ISM1: variants seen among roughly 807,000 people sequenced by gnomAD.
ISM1 encodes the protein isthmin 1.
A neutral mutation model predicts 46.3 loss-of-function variants in ISM1; 25 were observed. The observed-to-expected ratio is 0.54, with a 90% CI of 0.39 to 0.75. The LOEUF is 0.75. Ranked by LOEUF, ISM1 falls within the 30% of genes least tolerant of loss-of-function variation. The pLI is 0.00. For synonymous variants in ISM1, 255 were observed against 256.7 expected, an observed-to-expected ratio of 0.99 and a Z score of 0.06; for missense variants, 536 against 625.4, an observed-to-expected ratio of 0.86 and a Z score of 1.52.
intron 5 of ISM1, among the ~76,000 whole-genome samples, chr20:13,298,507 C>A (rs2040428301): frequency 6.6e-6 from 1 of 152,098 alleles, no homozygotes; most frequent in African/African-American, 2.4e-5. Context: ...AGGAAAATAT[C>A]CTCTTTTTTG....
chr20:13,326,690 A>T, the ISM1 span, among the ~76,000 whole-genome samples: 10 of 152,100 alleles, frequency 6.6e-5, no homozygotes, highest in African/African-American at 2.4e-4. Flanking sequence ...TCTTTTGTTC[A>T]TTTTTTAAAT....
At chr20:13,252,616 G>A (rs147658442) in intron 1 of ISM1, among the ~76,000 whole-genome samples, 338 of 152,222 alleles carry the variant, frequency 2.2e-3, no homozygotes, top group African/African-American at 7.8e-3. Context: ...TTAGCTGGGT[G>A]TGGTGGCGTG....
rs994277114 is a variant in ISM1 at position 13,221,893 on chromosome 20, C to A, written c.117C>A (p.Asn39Lys). The A allele has an allele frequency of 2.0e-5, 28 of 1,387,824 alleles. No individual in the cohort carries two copies. The highest frequency in any genetic ancestry group is 1.8e-4 in the African/African-American group (12 of 66,256). The allele number at this position is 1,387,824 out of a possible 1,614,324, so 86.0% of individuals were successfully genotyped here. ...AADGPDAAAG[N>K]ASQAQLQNNL... ...ACGGGCCCGACGCGGCCGCGGGCAA[C>A]GCCAGCCAAGCCCAGCTGCAGGTGA... The change falls in exon 1 of 6, where the codon AAC (asparagine) becomes AAA (lysine). Residue 39 changes from asparagine to lysine, a missense_variant. By Grantham distance (94) the Asn-to-Lys change is moderately conservative. Coordinates refer to ENST00000262487, the MANE Select transcript of ISM1 (RefSeq NM_080826.2).
At chr20:13,242,895 C>T (rs1053421637) in intron 1 of ISM1, among the ~76,000 whole-genome samples, 1 of 152,146 alleles carries the variant, frequency 6.6e-6, no homozygotes, top group Admixed American at 6.6e-5. Context: ...TAAATAGTCC[C>T]TACTGTGGGC....
chr20:13,296,112 A>G (rs2040404431), intron 5 of ISM1, among the ~76,000 whole-genome samples: 1 of 152,064 alleles, frequency 6.6e-6, no homozygotes. Context: ...TTCCTTAGAT[A>G]TGCCTCATCT....
chr20:13,280,026 A>AG, intron 3 of ISM1, 128 bp downstream of exon 3: 1 of 872,770 alleles, frequency 1.1e-6, no homozygotes, highest in Non-Finnish European at 1.7e-6. Flanking sequence ...CAAACCTCAC[A>AG]AAGGCTGTCT....
At chr20:13,273,215 T>TTTTATTTTATTTTATTTTATTTTA (rs1555813221) in intron 2 of ISM1, among the ~76,000 whole-genome samples, 3 of 130,628 alleles carry the variant, frequency 2.3e-5, no homozygotes, top group African/African-American at 6.3e-5. Context: ...ACTTGGGTCT[T>TTTTATTTTATTTTATTTTATTTTA]TTTTATTTTA....
intron 5 of ISM1, among the ~76,000 whole-genome samples, chr20:13,297,193 A>T (rs2040415231): frequency 6.6e-6 from 1 of 152,156 alleles, no homozygotes; most frequent in Non-Finnish European, 1.5e-5. Context: ...GTTCTTTGCA[A>T]TAAGCTGTTT....
chr20:13,292,933 A>G lies in ISM1; in HGVS notation c.877+470A>G, dbSNP rs541225420. Among the ~76,000 whole-genome samples the G allele has an allele frequency of 2.6e-5, 4 of 152,270 alleles. No individual in the cohort carries two copies. The East Asian group carries it at 7.7e-4, about 29-fold the overall frequency. On this transcript the variant is annotated intron_variant, in intron 5 of 5. Transcript: ENST00000262487. ...TACACCGGGCCAGGCGCGGTGGGTCATGCCTATAATCCTAGCACTTTGGGA... is the reference window on the plus strand; with the variant it reads ...TACACCGGGCCAGGCGCGGTGGGTCGTGCCTATAATCCTAGCACTTTGGGA...
intron 3 of ISM1, among the ~76,000 whole-genome samples, chr20:13,287,609 A>G (rs1404824431): frequency 6.6e-6 from 1 of 152,060 alleles, no homozygotes; most frequent in Non-Finnish European, 1.5e-5. Flanking sequence ...TTTATTGATG[A>G]TTGTTTCTCT....
At chr20:13,241,694 T>C (rs1001785835) in intron 1 of ISM1, among the ~76,000 whole-genome samples, 1 of 152,178 alleles carries the variant, frequency 6.6e-6, no homozygotes, top group African/African-American at 2.4e-5. Context: ...ATGGTCATCT[T>C]GGATACTGGA....
chr20:13,285,291 A>G (rs1431971029), intron 3 of ISM1, among the ~76,000 whole-genome samples: 1 of 150,524 alleles, frequency 6.6e-6, no homozygotes, highest in Admixed American at 6.6e-5. Context: ...ACCTCGAAAC[A>G]GCTTAAAAAA....
At chr20:13,295,628 A>C (rs2040399676) in intron 5 of ISM1, among the ~76,000 whole-genome samples, 1 of 152,190 alleles carries the variant, frequency 6.6e-6, no homozygotes, top group Non-Finnish European at 1.5e-5. Context: ...TTGAGGAAAC[A>C]CCCAGGAAAG....
intron 1 of ISM1, among the ~76,000 whole-genome samples, chr20:13,237,289 A>G (rs936061919): frequency 1.3e-5 from 2 of 152,264 alleles, no homozygotes; most frequent in Admixed American, 1.3e-4. Context: ...GACCTAAAAA[A>G]TAATGTTCAT....
At chr20:13,308,017 TGGACACTCCGTTTA>T in the ISM1 span, among the ~76,000 whole-genome samples, 7 of 152,226 alleles carry the variant, frequency 4.6e-5, no homozygotes, top group African/African-American at 1.7e-4. Flanking sequence ...GTTGTCCTGG[TGGACACTCCGTTTA>T]GGAGTGTTTG....
chr20:13,240,922 T>C (rs1203684105), intron 1 of ISM1, among the ~76,000 whole-genome samples: 1 of 152,142 alleles, frequency 6.6e-6, no homozygotes, highest in Non-Finnish European at 1.5e-5. Context: ...ATGTGGAATA[T>C]GAGATGCCTC....
At chr20:13,292,955 G>T (rs909785869) in intron 5 of ISM1, among the ~76,000 whole-genome samples, 1 of 152,138 alleles carries the variant, frequency 6.6e-6, no homozygotes, top group Non-Finnish European at 1.5e-5. Flanking sequence ...CTAGCACTTT[G>T]GGAGGCTGAG....
At chr20:13,276,000 C>T (rs1299866775) in intron 2 of ISM1, among the ~76,000 whole-genome samples, 1 of 152,160 alleles carries the variant, frequency 6.6e-6, no homozygotes, top group East Asian at 1.9e-4. Flanking sequence ...GCTGGGGTTG[C>T]CACCCTTGTT....
At chr20:13,322,767 T>C in the ISM1 span, among the ~76,000 whole-genome samples, 1 of 152,164 alleles carries the variant, frequency 6.6e-6, no homozygotes, top group Non-Finnish European at 1.5e-5. Flanking sequence ...GACAGTCTAC[T>C]CAGGAAGTCC....
Sources: gnomAD v4.1 joint callset for allele counts (sites outside exome capture counted in the v4.1 genomes callset) on GRCh38, gnomAD v4.1.1 for gene constraint, MANE v1.5 for transcripts, NCBI Gene and HGNC (gene_info 2026-07-23, HGNC 2026-07-21) for gene names.